Variants in RTF2 observed in about 807,000 individuals in gnomAD.
RTF2 encodes replication termination factor 2, also known as UPF0549 protein C20orf43.
RTF2 carries 18 observed loss-of-function variants against 38.0 expected under a neutral mutation model. The ratio of observed to expected loss-of-function variants is 0.47; its 90% CI spans 0.33 to 0.70. The LOEUF is 0.70. RTF2 is among the 30% of genes least tolerant of loss of function. The pLI is 0.02. For synonymous variants in RTF2, 126 were observed against 137.1 expected (o/e 0.92, Z 0.57); for missense variants, 311 against 379.6 (o/e 0.82, Z 1.50).
intron 2 of RTF2, among the ~76,000 whole-genome samples, chr20:56,474,253 G>T (rs920068046): frequency 5.3e-5 from 8 of 152,128 alleles, no homozygotes; most frequent in African/African-American, 1.9e-4. Flanking sequence ...GGCTGAGGTG[G>T]GTGGATCACC....
intron 5 of RTF2, among the ~76,000 whole-genome samples, chr20:56,489,108 T>G (rs1285462393): frequency 6.6e-6 from 1 of 152,098 alleles, no homozygotes; most frequent in Non-Finnish European, 1.5e-5. Flanking sequence ...CAGGCTGGGG[T>G]GCAGTGGTGC....
chr20:56,482,874 C>T (rs945130694), intron 4 of RTF2, among the ~76,000 whole-genome samples: 1 of 152,162 alleles, frequency 6.6e-6, no homozygotes, highest in Non-Finnish European at 1.5e-5. Context: ...TGCTCCCTCC[C>T]CCACACCACA....
chr20:56,518,857 C>G lies in RTF2; in HGVS notation c.*592C>G, dbSNP rs925214809. On this transcript the variant is annotated 3_prime_UTR_variant, in exon 9 of 9. Transcript: ENST00000357348. ...TAGTTGGGCACCCAGTGATTGGGTTCAAAAATAAAGCTGGTCTGCCTCTTC... is the reference window on the plus strand; with the variant it reads ...TAGTTGGGCACCCAGTGATTGGGTTGAAAAATAAAGCTGGTCTGCCTCTTC... The G allele has an allele frequency of 2.6e-5, 4 of 152,144 alleles. No individual in the cohort carries two copies. Among genetic ancestry groups the G allele is most frequent in the Non-Finnish European group, 1.5e-5 (1 of 68,064 alleles). 9.4% of individuals were successfully genotyped at this position (152,144 alleles called of 1,614,324 possible).
chr20:56,497,762 G>A (rs1251465727), intron 5 of RTF2: 3 of 386,614 alleles, frequency 7.8e-6, no homozygotes, highest in Non-Finnish European at 1.3e-5. Context: ...CCATGAAACT[G>A]TCATTGCAAT....
At chr20:56,474,560 T>G (rs1982140024) in intron 2 of RTF2, 118 bp from the exon 3 acceptor site, 1 of 590,910 alleles carries the variant, frequency 1.7e-6, no homozygotes, top group South Asian at 2.4e-5. Flanking sequence ...TTTTAATAAT[T>G]CAGGGTATTT....
chr20:56,499,999 G>C (rs2146351845), intron 5 of RTF2, among the ~76,000 whole-genome samples: 1 of 152,052 alleles, frequency 6.6e-6, no homozygotes, highest in Non-Finnish European at 1.5e-5. Context: ...GCCTCTCAAA[G>C]TGCTGGGAAT....
At chr20:56,499,194 C>CT (rs774875921) in intron 5 of RTF2, among the ~76,000 whole-genome samples, 2,985 of 133,034 alleles carry the variant, frequency 0.022, 75 homozygotes, top group African/African-American at 0.05. Flanking sequence ...TAATACTTAT[C>CT]TTTTTTTTTT....
chr20:56,484,134 G>T lies in RTF2; in HGVS notation c.422G>T (p.Gly141Val). ...RHRFCFLRCC[G>V]CVFSERALKE... ...AGGTTCTGCTTCCTTCGGTGCTGCG[G>T]CTGTGTGTTTTCTGAGCGAGCCTTG... The change falls in exon 5 of 9, where the codon GGC becomes GTC. Residue 141 changes from glycine to valine, a missense_variant. Gly to Val is a moderately radical substitution (Grantham distance 109). Transcript: ENST00000357348. 6.2e-7 allele frequency: 1 copy of T among 1,614,150 alleles called. No homozygotes were observed. Among genetic ancestry groups the T allele is most frequent in the Non-Finnish European group, 8.5e-7 (1 of 1,180,014 alleles).
chr20:56,495,124 C>T (rs1429472529), intron 5 of RTF2: 2 of 955,750 alleles, frequency 2.1e-6, no homozygotes, highest in Non-Finnish European at 3.3e-6. Context: ...CCGTCTTGCC[C>T]ACTAGGATTG....
At chr20:56,481,972 C>CA (rs1982547802) in intron 4 of RTF2, among the ~76,000 whole-genome samples, 2 of 152,210 alleles carry the variant, frequency 1.3e-5, no homozygotes, top group South Asian at 4.1e-4. Flanking sequence ...ACGAGCTCCA[C>CA]AATGGGGTCT....
intron 5 of RTF2, among the ~76,000 whole-genome samples, chr20:56,502,356 G>GAA (rs1983978333): frequency 6.6e-6 from 1 of 152,164 alleles, no homozygotes; most frequent in African/African-American, 2.4e-5. Context: ...CAGTGCCTGT[G>GAA]TTCTTTTTTT....
chr20:56,471,388 G>A (rs1981954572), intron 1 of RTF2, among the ~76,000 whole-genome samples: 1 of 152,102 alleles, frequency 6.6e-6, no homozygotes, highest in Non-Finnish European at 1.5e-5. Context: ...CTAACACAGT[G>A]AAACCCTGTC....
chr20:56,486,565 C>A (rs968564776), intron 5 of RTF2, among the ~76,000 whole-genome samples: 4 of 152,162 alleles, frequency 2.6e-5, no homozygotes, highest in African/African-American at 9.7e-5. Flanking sequence ...AGGAGAATTG[C>A]TTGAACCTGG....
intron 5 of RTF2, among the ~76,000 whole-genome samples, chr20:56,499,341 C>T (rs946046702): frequency 8.6e-5 from 13 of 151,658 alleles, no homozygotes; most frequent in African/African-American, 1.9e-4. Flanking sequence ...CCACCATGCC[C>T]GGCTAATTTT....
At chr20:56,516,606 T>G (rs1230370238) in intron 6 of RTF2, 4 of 396,488 alleles carry the variant, frequency 1.0e-5, no homozygotes, top group Non-Finnish European at 1.8e-5. Context: ...TGTATACAGT[T>G]GTCACCATCA....
At position 56,477,076 on chromosome 20, in the gene RTF2, C is replaced by T. The variant is rs551628482; in HGVS notation, c.350C>T (p.Ala117Val). 22 of 1,613,930 alleles carry T rather than the reference C, an allele frequency of 1.4e-5. No homozygotes were observed. Among genetic ancestry groups the T allele is most frequent in the Middle Eastern group, 1.6e-4 (1 of 6,062 alleles). The part of the protein sequence containing the change: ...KGDKHDDLQR[A>V]RFICPVVGLE... ...GACAAGCACGATGACCTCCAGCGGG[C>T]GCGTTTCATCTGCCCCGTTGTGGGC... The change falls in exon 4 of 9, where the codon GCG becomes GTG. Residue 117 changes from alanine (A) to valine (V), a missense_variant. Transcript: ENST00000357348.
intron 4 of RTF2, among the ~76,000 whole-genome samples, chr20:56,479,120 C>CCAA (rs747260724): frequency 2.0e-5 from 3 of 152,222 alleles, no homozygotes; most frequent in Non-Finnish European, 2.9e-5. Context: ...AAGCATTGAA[C>CCAA]CCCTCCAAGT....
intron 4 of RTF2, among the ~76,000 whole-genome samples, chr20:56,479,937 G>T (rs1471360989): frequency 1.3e-5 from 2 of 151,926 alleles, no homozygotes; most frequent in Non-Finnish European, 2.9e-5. Flanking sequence ...GAGAGTACAG[G>T]CAGAGTAGAC....
chr20:56,493,893 C>G (rs147901374), intron 5 of RTF2, among the ~76,000 whole-genome samples: 1,985 of 152,256 alleles, frequency 0.013, 57 homozygotes, highest in African/African-American at 0.046. Flanking sequence ...GATAGCTGTT[C>G]TTCTGCATGC....
Sources: allele counts gnomAD v4.1 joint callset (sites outside exome capture counted in the v4.1 genomes callset), GRCh38; gene constraint gnomAD v4.1.1; transcripts MANE v1.5; gene names NCBI Gene and HGNC (gene_info 2026-07-23, HGNC 2026-07-21).